The following CNTNAP2 variants were observed in gnomAD, a reference collection of about 807,000 sequenced individuals.
CNTNAP2 encodes contactin-associated protein-like 2.
In CNTNAP2, 98 loss-of-function variants were observed where a neutral mutation model predicts 155.2. That is an observed-to-expected ratio of 0.63 (90% CI 0.54 to 0.75). The LOEUF (loss-of-function observed/expected upper bound fraction) is 0.75. Among genes scored for constraint, CNTNAP2 ranks in the 30% least tolerant of loss-of-function variants. The pLI, the probability that CNTNAP2 is intolerant of heterozygous loss-of-function variation, is 0.00. For synonymous variants in CNTNAP2, 651 were observed against 631.2 expected, an observed-to-expected ratio of 1.03 and a Z score of -0.47; for missense variants, 1,727 against 1,688.1, an observed-to-expected ratio of 1.02 and a Z score of -0.40.
At chr7:146,811,353 T>C (rs557809018) in intron 2 of CNTNAP2, among the ~76,000 whole-genome samples, 4 of 152,332 alleles carry the variant, frequency 2.6e-5, no homozygotes, top group African/African-American at 4.8e-5. Flanking sequence ...TTCTTTATGA[T>C]TCAATCTTGG....
chr7:147,302,175 C>T (rs1269659645), intron 9 of CNTNAP2, among the ~76,000 whole-genome samples: 1 of 152,170 alleles, frequency 6.6e-6, no homozygotes, highest in Non-Finnish European at 1.5e-5. Flanking sequence ...GGCTTATGGC[C>T]AACAGTTTTC....
At chr7:146,397,441 T>G (rs1217200128) in intron 1 of CNTNAP2, among the ~76,000 whole-genome samples, 1 of 152,210 alleles carries the variant, frequency 6.6e-6, no homozygotes, top group African/African-American at 2.4e-5. Flanking sequence ...TATTTGTTAT[T>G]TTAATTTATA....
intron 2 of CNTNAP2, among the ~76,000 whole-genome samples, chr7:146,810,266 T>G (rs374436737): frequency 2.6e-5 from 4 of 151,914 alleles, no homozygotes; most frequent in East Asian, 3.8e-4. Context: ...TATAACATAG[T>G]TTGAAATTCG....
chr7:147,633,073 T>G (rs1795115455), intron 12 of CNTNAP2, among the ~76,000 whole-genome samples: 1 of 152,224 alleles, frequency 6.6e-6, no homozygotes, highest in Non-Finnish European at 1.5e-5. Flanking sequence ...GCCCATCCCA[T>G]CACAGGCCCA....
At chr7:146,797,650 A>G (rs1802795462) in intron 2 of CNTNAP2, among the ~76,000 whole-genome samples, 1 of 152,218 alleles carries the variant, frequency 6.6e-6, no homozygotes, top group South Asian at 2.1e-4. Context: ...ACTATACTCC[A>G]TAACTGACTG....
intron 13 of CNTNAP2, among the ~76,000 whole-genome samples, chr7:147,675,460 C>T (rs1795853801): frequency 6.6e-6 from 1 of 152,050 alleles, no homozygotes; most frequent in East Asian, 1.9e-4. Flanking sequence ...AGTGTCGATC[C>T]TGGTTCAACT....
chr7:146,616,671 A>C (rs145826284), intron 1 of CNTNAP2, among the ~76,000 whole-genome samples: 1 of 152,168 alleles, frequency 6.6e-6, no homozygotes, highest in East Asian at 1.9e-4. Context: ...ACCCTGTAAC[A>C]TGATTTTGTC....
At chr7:146,441,352 A>G (rs1796318610) in intron 1 of CNTNAP2, among the ~76,000 whole-genome samples, 1 of 151,490 alleles carries the variant, frequency 6.6e-6, no homozygotes. Flanking sequence ...TTGCAAGACA[A>G]TTCATATGCA....
intron 13 of CNTNAP2, among the ~76,000 whole-genome samples, chr7:147,885,034 A>G (rs1311330980): frequency 6.6e-6 from 1 of 152,250 alleles, no homozygotes; most frequent in Non-Finnish European, 1.5e-5. Context: ...TAAGTAACAC[A>G]TGACTGTCTG....
intron 13 of CNTNAP2, among the ~76,000 whole-genome samples, chr7:147,641,179 A>AGAAACAAAAACTTCCCCAG (rs543406081): frequency 0.044 from 6,663 of 152,306 alleles, 441 homozygotes; most frequent in Admixed American, 0.15. Context: ...CTGCTTTAAA[A>AGAAACAAAAACTTCCCCAG]GACCCCTTTT....
chr7:147,124,943 C>T (rs4726819), intron 6 of CNTNAP2, among the ~76,000 whole-genome samples: 13,837 of 136,376 alleles, frequency 0.1, 696 homozygotes, highest in Middle Eastern at 0.14. Flanking sequence ...TGCAGTGGCG[C>T]GATTTTGGCT....
intron 5 of CNTNAP2, among the ~76,000 whole-genome samples, chr7:147,111,196 T>A (rs1800871644): frequency 6.6e-6 from 1 of 152,228 alleles, no homozygotes; most frequent in African/African-American, 2.4e-5. Flanking sequence ...TCTGTTCATG[T>A]CCTTTGCCCA....
intron 20 of CNTNAP2, among the ~76,000 whole-genome samples, chr7:148,234,226 G>A (rs907602288): frequency 2.0e-5 from 3 of 152,142 alleles, no homozygotes; most frequent in African/African-American, 4.8e-5. Flanking sequence ...CAGCATAGTC[G>A]AACCCAGGTC....
intron 13 of CNTNAP2, chr7:147,671,687 T>A (rs1474986033): frequency 1.3e-5 from 2 of 152,148 alleles, no homozygotes; most frequent in African/African-American, 4.8e-5. Flanking sequence ...AGGCCAGAGA[T>A]GTCTTGTGGG....
intron 3 of CNTNAP2, among the ~76,000 whole-genome samples, chr7:146,961,804 G>A (rs1013672392): frequency 2.0e-5 from 3 of 152,116 alleles, no homozygotes; most frequent in African/African-American, 7.2e-5. Flanking sequence ...GTTGCAGCAT[G>A]ATCTCACCAT....
At chr7:146,138,377 A>T (rs1030597891) in intron 1 of CNTNAP2, among the ~76,000 whole-genome samples, 1 of 152,092 alleles carries the variant, frequency 6.6e-6, no homozygotes, top group Non-Finnish European at 1.5e-5. Context: ...GAGTGTTGGT[A>T]TTGATAAATT....
chr7:146,655,698 T>A (rs947123864), intron 1 of CNTNAP2, among the ~76,000 whole-genome samples: 3 of 152,094 alleles, frequency 2.0e-5, no homozygotes, highest in African/African-American at 7.2e-5. Flanking sequence ...ACAACAGGTG[T>A]TTCTGACAAA....
rs911878605 is a variant in CNTNAP2 at position 148,093,206 on chromosome 7, A to T, written c.2384-24912A>T. Among the ~76,000 whole-genome samples the T allele has an allele frequency of 3.3e-5, 5 of 152,002 alleles. No homozygotes were observed. The South Asian group carries it at 6.2e-4, about 19-fold the overall frequency. On this transcript the variant is annotated intron_variant, in intron 15 of 23. Coordinates refer to ENST00000361727, the MANE Select transcript of CNTNAP2 (RefSeq NM_014141.6). Reference sequence around the variant, plus strand: ...CTCTGCTAAAAAAAAAAAAAATTAAATTTTTTTAAAAAGGAAAGCTAGAAA... The same window carrying T: ...CTCTGCTAAAAAAAAAAAAAATTAATTTTTTTTAAAAAGGAAAGCTAGAAA...
At chr7:146,929,570 C>T (rs555711401) in intron 3 of CNTNAP2, among the ~76,000 whole-genome samples, 50 of 152,238 alleles carry the variant, frequency 3.3e-4, no homozygotes, top group East Asian at 2.3e-3. Context: ...TCACCAGCAA[C>T]GGAACAAAGC....
Sources: allele counts gnomAD v4.1 joint callset (sites outside exome capture counted in the v4.1 genomes callset), GRCh38; gene constraint gnomAD v4.1.1; transcripts MANE v1.5; gene names NCBI Gene and HGNC (gene_info 2026-07-23, HGNC 2026-07-21).